The following ZSWIM6 variants were observed in gnomAD, a reference collection of about 807,000 sequenced individuals.
ZSWIM6 encodes zinc finger SWIM domain-containing protein 6.
In ZSWIM6, 9 loss-of-function variants were observed where a neutral mutation model predicts 113.2. That is an observed-to-expected ratio of 0.08 (90% CI 0.05 to 0.14). ZSWIM6 has a LOEUF of 0.14. Among genes scored for constraint, ZSWIM6 ranks in the 10% least tolerant of loss-of-function variants. The pLI is 1.00. For missense variants in ZSWIM6, 1,162 were observed against 1,552.2 expected, an observed-to-expected ratio of 0.75 and a Z score of 4.22; for synonymous variants, 611 against 606.5, an observed-to-expected ratio of 1.01 and a Z score of -0.11.
intron 1 of ZSWIM6, among the ~76,000 whole-genome samples, chr5:61,422,564 A>G (rs1195066112): frequency 2.0e-5 from 3 of 152,162 alleles, no homozygotes; most frequent in Non-Finnish European, 4.4e-5. Flanking sequence ...TTGTGGTTCC[A>G]TACAAAGTTT....
At chr5:61,534,897 CTA>C (rs1749534589) in intron 9 of ZSWIM6, among the ~76,000 whole-genome samples, 2 of 152,034 alleles carry the variant, frequency 1.3e-5, no homozygotes, top group South Asian at 4.1e-4. Context: ...AAATGGGTAA[CTA>C]TTCTTTTTAT....
intron 1 of ZSWIM6, among the ~76,000 whole-genome samples, chr5:61,401,816 A>G (rs1192200001): frequency 6.6e-6 from 1 of 152,200 alleles, no homozygotes; most frequent in Non-Finnish European, 1.5e-5. Flanking sequence ...AAGAAGCTTT[A>G]GCATAAATGT....
At chr5:61,410,020 G>GCCTT (rs987927583) in intron 1 of ZSWIM6, among the ~76,000 whole-genome samples, 17 of 152,204 alleles carry the variant, frequency 1.1e-4, no homozygotes, top group African/African-American at 4.1e-4. Flanking sequence ...ATGAGAGGAA[G>GCCTT]CCTTGGACTT....
At chr5:61,390,931 G>A (rs1158718284) in intron 1 of ZSWIM6, 1 of 811,598 alleles carries the variant, frequency 1.2e-6, no homozygotes, top group African/African-American at 1.7e-5. Flanking sequence ...AAGGCCCCCA[G>A]AGGGTGGCTT....
chr5:61,394,980 A>G (rs574256038), intron 1 of ZSWIM6, among the ~76,000 whole-genome samples: 1 of 152,272 alleles, frequency 6.6e-6, no homozygotes, highest in African/African-American at 2.4e-5. Context: ...TACCATCATG[A>G]GGCTTTAATT....
chr5:61,506,983 G>T (rs1748639542), intron 4 of ZSWIM6, among the ~76,000 whole-genome samples: 1 of 152,262 alleles, frequency 6.6e-6, no homozygotes, highest in South Asian at 2.1e-4. Context: ...AACTTTCCCT[G>T]TAATAACCTT....
chr5:61,418,184 A>G, intron 1 of ZSWIM6, among the ~76,000 whole-genome samples: 1 of 152,232 alleles, frequency 6.6e-6, no homozygotes, highest in East Asian at 1.9e-4. Flanking sequence ...TAGCACTCAT[A>G]AAACCTATCC....
intron 1 of ZSWIM6, among the ~76,000 whole-genome samples, chr5:61,349,055 T>C (rs1744730867): frequency 6.6e-6 from 1 of 152,176 alleles, no homozygotes; most frequent in Non-Finnish European, 1.5e-5. Context: ...TAAGCATCTT[T>C]GATGAAGGAA....
chr5:61,442,723 G>A (rs540967152), intron 1 of ZSWIM6, among the ~76,000 whole-genome samples: 1 of 152,294 alleles, frequency 6.6e-6, no homozygotes, highest in South Asian at 2.1e-4. Flanking sequence ...TGTTGTGAAG[G>A]AAAACAGTTT....
chr5:61,373,571 A>T (rs1745310030), intron 1 of ZSWIM6, among the ~76,000 whole-genome samples: 1 of 151,774 alleles, frequency 6.6e-6, no homozygotes, highest in East Asian at 1.9e-4. Context: ...GCAGTAACTT[A>T]TTTTCTCTAT....
Position 61,543,345 on chromosome 5 carries a change from C to T in ZSWIM6, c.2786-110C>T, listed in dbSNP as rs1749793634. 1.5e-6 allele frequency: 2 copies of T among 1,299,766 alleles called. No individual in the cohort carries two copies. Among genetic ancestry groups the T allele is most frequent in the African/African-American group, 1.5e-5 (1 of 67,038 alleles). 80.5% of individuals were successfully genotyped at this position (1,299,766 alleles called of 1,614,324 possible). ...CTTTACAGGATTTTCTAGCCTAGCT[C>T]ATGTCCTATGATGGTTAACAATGTA... On this transcript the variant is annotated intron_variant, in intron 13 of 13. Coordinates refer to ENST00000252744, the MANE Select transcript of ZSWIM6 (RefSeq NM_020928.2). This position sits in a 1 kb window ranked among gnomAD's most constrained non-coding sequence, Gnocchi z 4.3.
At chr5:61,419,045 C>T (rs1269879324) in intron 1 of ZSWIM6, among the ~76,000 whole-genome samples, 2 of 152,238 alleles carry the variant, frequency 1.3e-5, no homozygotes, top group Non-Finnish European at 2.9e-5. Flanking sequence ...TGGTCTTGAA[C>T]TCCTGACTTC....
chr5:61,473,085 C>T lies in ZSWIM6; in HGVS notation c.1033+48C>T, dbSNP rs891693267. The T allele has an allele frequency of 3.3e-6, 4 of 1,195,530 alleles. No individual in the cohort carries two copies. The African/African-American group carries it at 4.6e-5, about 14-fold the overall frequency. The allele number at this position is 1,195,530 out of a possible 1,614,324, so 74.1% of individuals were successfully genotyped here. On this transcript the variant is annotated intron_variant, in intron 2 of 13. Coordinates refer to ENST00000252744, the MANE Select transcript of ZSWIM6 (RefSeq NM_020928.2). ...TAAATTTCCTCTCTGGATCCTTTTT[C>T]ACTTATAAATTCAATTCTTCTGCAT...
intron 2 of ZSWIM6, among the ~76,000 whole-genome samples, chr5:61,473,303 T>C (rs1417596725): frequency 1.3e-5 from 2 of 152,224 alleles, no homozygotes; most frequent in East Asian, 1.9e-4. Flanking sequence ...TTTCATCAAG[T>C]ACTAGATATT....
chr5:61,467,236 A>C (rs1332718902), intron 1 of ZSWIM6, among the ~76,000 whole-genome samples: 6 of 152,238 alleles, frequency 3.9e-5, no homozygotes, highest in Admixed American at 1.3e-4. Context: ...AAAAGAAAAA[A>C]ATATCTATAT....
intron 1 of ZSWIM6, among the ~76,000 whole-genome samples, chr5:61,432,263 A>G (rs961481786): frequency 5.9e-5 from 9 of 152,190 alleles, no homozygotes; most frequent in Non-Finnish European, 1.3e-4. Flanking sequence ...TGTATACACA[A>G]CCGTTAAATG....
intron 1 of ZSWIM6, among the ~76,000 whole-genome samples, chr5:61,357,378 G>T (rs895576360): frequency 2.0e-5 from 3 of 152,138 alleles, no homozygotes; most frequent in African/African-American, 7.2e-5. Flanking sequence ...AGGAGCCAGG[G>T]TTCACCTCAG....
intron 1 of ZSWIM6, among the ~76,000 whole-genome samples, chr5:61,440,985 G>A (rs1324477333): frequency 1.3e-5 from 2 of 152,142 alleles, no homozygotes; most frequent in African/African-American, 4.8e-5. Flanking sequence ...TTGTGTGTGG[G>A]GCTGATGAGG....
intron 1 of ZSWIM6, chr5:61,390,845 G>T: frequency 2.4e-6 from 2 of 822,620 alleles, no homozygotes; most frequent in South Asian, 1.3e-5. Context: ...TGTGAAGGGT[G>T]AGCACTTGCT....
Sources: gnomAD v4.1 joint callset for allele counts (sites outside exome capture counted in the v4.1 genomes callset) on GRCh38, gnomAD v4.1.1 for gene constraint, Gnocchi (gnomAD v3.1) non-coding constraint, MANE v1.5 for transcripts, NCBI Gene and HGNC (gene_info 2026-07-23, HGNC 2026-07-21) for gene names.